Variants in FBRSL1 observed in about 807,000 individuals in gnomAD.
FBRSL1 encodes fibrosin-1-like protein.
Under a neutral mutation model 89.6 loss-of-function variants are expected in FBRSL1, and 51 were observed. The ratio of observed to expected loss-of-function variants is 0.57; its 90% CI spans 0.45 to 0.72. The LOEUF (loss-of-function observed/expected upper bound fraction) is 0.72, where lower values mean the gene tolerates loss of function less well. Among genes scored for constraint, FBRSL1 ranks in the 30% least tolerant of loss-of-function variants. FBRSL1 has a pLI of 0.00. For missense variants in FBRSL1, 1,618 were observed against 1,451.8 expected, an observed-to-expected ratio of 1.11 and a Z score of -1.86; for synonymous variants, 779 against 681.1, an observed-to-expected ratio of 1.14 and a Z score of -2.24.
chr12:132,537,255 G>A (rs548197416), intron 4 of FBRSL1, among the ~76,000 whole-genome samples: 11 of 152,326 alleles, frequency 7.2e-5, no homozygotes, highest in African/African-American at 2.4e-4. Flanking sequence ...GTGGCACTCG[G>A]GTGTAGAATG....
rs1344615255 is a variant in FBRSL1 at position 132,499,734 on chromosome 12, G to A, written c.292-8419G>A. On this transcript the variant is annotated intron_variant, in intron 1 of 18. Transcript: ENST00000680143. This position sits in a 1 kb window ranked among gnomAD's most constrained non-coding sequence, Gnocchi z 4.3. ...GGGCTGCAGGGCTGGGGGGTGGGGC[G>A]CTGCGCAGCACCTAAACTCCGTGAG... Among the ~76,000 whole-genome samples the A allele has an allele frequency of 6.6e-6, 1 of 152,038 alleles. No homozygotes were observed. Among genetic ancestry groups the A allele is most frequent in the African/African-American group, 2.4e-5 (1 of 41,388 alleles).
At position 132,532,207 on chromosome 12, in the gene FBRSL1, G is replaced by T. The variant is rs368769113; in HGVS notation, c.615+4219G>T. Among the ~76,000 whole-genome samples the T allele has an allele frequency of 1.2e-3, 187 of 152,276 alleles. 6 individuals are homozygous for T. In the South Asian group the frequency reaches 0.037, roughly 30 times the overall value. On this transcript the variant is annotated intron_variant, in intron 4 of 18. Coordinates refer to ENST00000680143, the MANE Select transcript of FBRSL1 (RefSeq NM_001367871.1). ...TGCAGGGTGGTGGTGGCAGCCCATG[G>T]TGAGGCCCAGGCCTCAGGGACCCAT...
rs769083080 is a variant in FBRSL1, at chr12:132,548,026, C to T, written c.639C>T (p.Asp213=). 121 of 1,550,082 alleles carry T rather than the reference C, an allele frequency of 7.8e-5. No homozygotes were observed. Among genetic ancestry groups the T allele is most frequent in the Non-Finnish European group, 9.9e-5 (113 of 1,146,728 alleles). Residue 213 remains aspartate, a synonymous_variant, in exon 5 of 19, where the codon GAC becomes GAT. Transcript: ENST00000680143. ...AGTGTGACAGCGAGAGCGGCCCGGA[C>T]GACAAGGTAAGCCCAGCGTCCTCCT... ...GYSCDSESGP[D]DKASVGSEKL...
intron 2 of FBRSL1, among the ~76,000 whole-genome samples, chr12:132,515,145 G>A (rs913745232): frequency 6.6e-6 from 1 of 152,134 alleles, no homozygotes; most frequent in Admixed American, 6.5e-5. Context: ...CGGCTCTATG[G>A]TTTGAGGCCA....
At chr12:132,511,045 G>A (rs903797243) in intron 2 of FBRSL1, 18 of 985,986 alleles carry the variant, frequency 1.8e-5, no homozygotes, top group South Asian at 9.4e-5. Flanking sequence ...GCCCAGTGGC[G>A]AATGGTGAAG....
chr12:132,503,408 G>C (rs546710568), intron 1 of FBRSL1, among the ~76,000 whole-genome samples: 16 of 152,366 alleles, frequency 1.1e-4, no homozygotes, highest in African/African-American at 3.8e-4. Flanking sequence ...TGCGTGATGT[G>C]GGGTCCCCAT....
chr12:132,513,829 C>T (rs2034587861), intron 2 of FBRSL1, among the ~76,000 whole-genome samples: 1 of 152,174 alleles, frequency 6.6e-6, no homozygotes, highest in Non-Finnish European at 1.5e-5. Flanking sequence ...TTGGGTCCTC[C>T]CCAGGTCAGG....
rs201294644 is a variant in FBRSL1, at chr12:132,490,218, T to TG, written c.-353_-352insG. ...CCCGGTGCCCAGGAGCCCGGCCGCC[T>TG]CCCGCCTGCCGCCTGCCGCGCCCGC... is the stretch of plus-strand genomic sequence containing the variant. On this transcript the variant is annotated 5_prime_UTR_variant, in exon 1 of 19. Transcript: ENST00000680143. The TG allele has an allele frequency of 0.99, 143,742 of 145,398 alleles. 71,078 individuals are homozygous for TG. Among genetic ancestry groups the TG allele is most frequent in the South Asian group, 1 (5,486 of 5,486 alleles). The allele number at this position is 145,398 out of a possible 1,614,324, so 9.0% of individuals were successfully genotyped here. A position where few individuals can be genotyped will look rare whatever the true frequency, so the allele number is the denominator to read the frequency against.
intron 4 of FBRSL1, among the ~76,000 whole-genome samples, chr12:132,535,396 C>A (rs181247153): frequency 3.9e-5 from 6 of 152,186 alleles, no homozygotes; most frequent in Non-Finnish European, 5.9e-5. Flanking sequence ...ACACGCCATC[C>A]GCTGTGGGGA....
At chr12:132,562,925 C>G (rs1033171242) in intron 5 of FBRSL1, among the ~76,000 whole-genome samples, 7 of 152,074 alleles carry the variant, frequency 4.6e-5, no homozygotes, top group African/African-American at 1.7e-4. Flanking sequence ...TGCGATCTGT[C>G]TGGAATTATT....
At chr12:132,580,979 G>A (rs1162243940) in intron 15 of FBRSL1, 11 of 985,338 alleles carry the variant, frequency 1.1e-5, no homozygotes, top group African/African-American at 1.7e-5. Flanking sequence ...ATGCCACAAG[G>A]GGCTGCCATG....
Position 132,566,583 on chromosome 12 carries a change from G to A in FBRSL1, c.646-898G>A, listed in dbSNP as rs140768656. Among the ~76,000 whole-genome samples the A allele has an allele frequency of 6.2e-3, 263 of 42,416 alleles. 1 individual carries two copies. Among genetic ancestry groups the A allele is most frequent in the Non-Finnish European group, 5.9e-3 (148 of 25,112 alleles). 27.8% of individuals were successfully genotyped at this position (42,416 alleles called of 152,430 possible). Reference sequence around the variant, plus strand: ...ACCTGCTTGTGGCAGGTGGTTGAGCGAGTTTCTCTGGAAGAGATGGAGGAG... The same window carrying A: ...ACCTGCTTGTGGCAGGTGGTTGAGCAAGTTTCTCTGGAAGAGATGGAGGAG... On this transcript the variant is annotated intron_variant, in intron 5 of 18. Transcript: ENST00000680143.
chr12:132,565,209 A>G (rs1157981042), intron 5 of FBRSL1: 2 of 152,192 alleles, frequency 1.3e-5, no homozygotes, highest in Non-Finnish European at 2.9e-5. Context: ...TTTCAGTTAC[A>G]CAAGTGTTAC....
At chr12:132,555,162 G>A (rs1208617080) in intron 5 of FBRSL1, among the ~76,000 whole-genome samples, 1 of 152,200 alleles carries the variant, frequency 6.6e-6, no homozygotes, top group Non-Finnish European at 1.5e-5. Flanking sequence ...ATGCATTTGG[G>A]GGAGGTACGT....
intron 9 of FBRSL1, 156 bp downstream of exon 9, chr12:132,571,387 G>A: frequency 2.6e-6 from 4 of 1,550,974 alleles, no homozygotes; most frequent in Non-Finnish European, 2.6e-6. Flanking sequence ...CCTGGGCCCG[G>A]GGGCTCTGCT....
rs1350512299 is a variant in FBRSL1 at position 132,582,232 on chromosome 12, C to G, written c.2167C>G (p.Arg723Gly). The G allele has an allele frequency of 6.5e-7, 1 of 1,550,214 alleles. No homozygotes were observed. The highest frequency in any genetic ancestry group is 8.7e-7 in the Non-Finnish European group (1 of 1,146,852). Residue 723 changes from arginine (R) to glycine (G), a missense_variant, in exon 18 of 19, where the codon CGA (arginine) becomes GGA (glycine). Coordinates refer to ENST00000680143, the MANE Select transcript of FBRSL1 (RefSeq NM_001367871.1). Reference sequence around the variant, plus strand: ...GGTGTCAGCCCTGACCAACCATGACCGAGAGCCGGACAATGGCAAGGAGGA... The same window carrying G: ...GGTGTCAGCCCTGACCAACCATGACGGAGAGCCGGACAATGGCAAGGAGGA... Reference protein sequence around the residue: ...ERVSALTNHDREPDNGKEEQE... With the variant: ...ERVSALTNHDGEPDNGKEEQE...
intron 5 of FBRSL1, 107 bp downstream of exon 5, chr12:132,548,139 G>C: frequency 7.3e-7 from 1 of 1,369,790 alleles, no homozygotes; most frequent in Non-Finnish European, 1.0e-6. Context: ...ATCGGGCCTT[G>C]GGGGGATCCC....
chr12:132,500,529 A>T (rs964357035), intron 1 of FBRSL1, among the ~76,000 whole-genome samples: 5 of 152,206 alleles, frequency 3.3e-5, no homozygotes, highest in Middle Eastern at 3.4e-3. Context: ...TGTCCAGACC[A>T]GCCTCCGGGG....
At chr12:132,555,359 C>T (rs1185074013) in intron 5 of FBRSL1, among the ~76,000 whole-genome samples, 4 of 147,720 alleles carry the variant, frequency 2.7e-5, no homozygotes, top group Non-Finnish European at 6.0e-5. Flanking sequence ...GTGGCCTCCA[C>T]GGTAGCCGCC....
Sources: gnomAD v4.1 joint callset for allele counts (sites outside exome capture counted in the v4.1 genomes callset) on GRCh38, gnomAD v4.1.1 for gene constraint, Gnocchi (gnomAD v3.1) non-coding constraint, MANE v1.5 for transcripts, NCBI Gene and HGNC (gene_info 2026-07-23, HGNC 2026-07-21) for gene names.